TIAM1: variants seen among roughly 807,000 people sequenced by gnomAD.
The protein encoded by TIAM1 is rho guanine nucleotide exchange factor TIAM1.
TIAM1 carries 65 observed loss-of-function variants against 163.5 expected under a neutral mutation model. The ratio of observed to expected loss-of-function variants is 0.40; its 90% confidence interval spans 0.33 to 0.49. The LOEUF is 0.49. Among genes scored for constraint, TIAM1 ranks in the 20% least tolerant of loss-of-function variants. The pLI is 0.77. For missense variants in TIAM1, 1,789 were observed against 2,044.7 expected (o/e 0.87, Z 2.41); for synonymous variants, 833 against 810.1 (o/e 1.03, Z -0.48).
At chr21:31,513,388 T>G (rs1428578359) in intron 1 of TIAM1, among the ~76,000 whole-genome samples, 1 of 152,178 alleles carries the variant, frequency 6.6e-6, no homozygotes, top group Non-Finnish European at 1.5e-5. Context: ...TCTTCATCAA[T>G]TTTCTCACTA....
intron 16 of TIAM1, among the ~76,000 whole-genome samples, chr21:31,157,815 T>G (rs1438772515): frequency 6.6e-6 from 1 of 152,210 alleles, no homozygotes; most frequent in Non-Finnish European, 1.5e-5. Flanking sequence ...TGAAATGATG[T>G]TGAACAAAAC....
At chr21:31,317,886 C>T (rs1273674111) in intron 2 of TIAM1, among the ~76,000 whole-genome samples, 1 of 152,184 alleles carries the variant, frequency 6.6e-6, no homozygotes, top group Non-Finnish European at 1.5e-5. Flanking sequence ...CTTGATGAGA[C>T]AACTATAGGT....
intron 2 of TIAM1, among the ~76,000 whole-genome samples, chr21:31,373,660 G>A (rs1396458954): frequency 1.3e-5 from 2 of 152,142 alleles, no homozygotes; most frequent in Admixed American, 1.3e-4. Context: ...AGGCAGGAGG[G>A]TGTCTGGAAT....
At chr21:31,410,925 G>C (rs1222793249) in intron 2 of TIAM1, among the ~76,000 whole-genome samples, 1 of 152,078 alleles carries the variant, frequency 6.6e-6, no homozygotes, top group East Asian at 1.9e-4. Context: ...GAGCATTAGG[G>C]GCCCGCTCCT....
chr21:31,346,096 T>C (rs138683487), upstream of TIAM1, among the ~76,000 whole-genome samples: 1 of 152,180 alleles, frequency 6.6e-6, no homozygotes, highest in East Asian at 1.9e-4. Context: ...TTGCTACTGA[T>C]ATCTAGTAGG....
At chr21:31,235,078 G>A (rs546282827) in intron 6 of TIAM1, among the ~76,000 whole-genome samples, 1 of 152,246 alleles carries the variant, frequency 6.6e-6, no homozygotes, top group African/African-American at 2.4e-5. Flanking sequence ...CGAAGCAGCT[G>A]GTAATTCTAC....
Position 31,119,108 on chromosome 21 carries a change from A to T in TIAM1, c.*1260T>A, listed in dbSNP as rs60585349. 5,014 of 93,512 alleles carry T rather than the reference A, an allele frequency of 0.054. 116 individuals are homozygous for T. Among genetic ancestry groups the T allele is most frequent in the African/African-American group, 0.2 (2,885 of 14,400 alleles). 5.8% of individuals were successfully genotyped at this position (93,512 alleles called of 1,614,324 possible). On this transcript the variant is annotated 3_prime_UTR_variant, in exon 28 of 28. Transcript: ENST00000541036. ...AAGAAAAAGCTATAAACCTTTTTTT[A>T]AAAAAAAAAAAAAAATTGAAAGTGC...
intron 1 of TIAM1, among the ~76,000 whole-genome samples, chr21:31,522,730 A>C (rs2047645773): frequency 1.3e-5 from 2 of 152,188 alleles, no homozygotes; most frequent in African/African-American, 2.4e-5. Flanking sequence ...GTCCAACCGA[A>C]GCAGTCCTTT....
At chr21:31,166,674 G>A (rs2084232357) in intron 15 of TIAM1, among the ~76,000 whole-genome samples, 1 of 152,184 alleles carries the variant, frequency 6.6e-6, no homozygotes, top group Admixed American at 6.5e-5. Context: ...TTGCTCTTAA[G>A]GTGGTAGTGG....
intron 1 of TIAM1, among the ~76,000 whole-genome samples, chr21:31,527,097 G>A (rs1429840850): frequency 6.6e-6 from 1 of 152,102 alleles, no homozygotes; most frequent in African/African-American, 2.4e-5. Flanking sequence ...CGGAGAAACT[G>A]GGCTCCAACA....
intron 2 of TIAM1, among the ~76,000 whole-genome samples, chr21:31,409,477 C>T (rs753213215): frequency 5.3e-5 from 8 of 152,176 alleles, no homozygotes; most frequent in Non-Finnish European, 1.2e-4. Flanking sequence ...CTCCACCCCA[C>T]CTCCTGCTCC....
chr21:31,423,863 CGGG>C (rs762725565), intron 2 of TIAM1, among the ~76,000 whole-genome samples: 1 of 25,574 alleles, frequency 3.9e-5, no homozygotes, highest in African/African-American at 1.4e-4. Context: ...TCGGGGGGGG[CGGG>C]GGGGGGGTCA....
chr21:31,556,363 G>C (rs977111183), intron 1 of TIAM1, among the ~76,000 whole-genome samples: 11 of 152,220 alleles, frequency 7.2e-5, no homozygotes, highest in African/African-American at 2.7e-4. Context: ...GAACGGAAGA[G>C]ACAGAGCGCA....
chr21:31,236,476 G>A (rs551857720), intron 6 of TIAM1, among the ~76,000 whole-genome samples: 230 of 152,070 alleles, frequency 1.5e-3, no homozygotes, highest in Non-Finnish European at 2.9e-3. Flanking sequence ...CACTCAGCTT[G>A]TCATATCAGT....
chr21:31,300,321 C>G (rs771435235), intron 2 of TIAM1, among the ~76,000 whole-genome samples: 4 of 152,108 alleles, frequency 2.6e-5, no homozygotes, highest in Non-Finnish European at 5.9e-5. Flanking sequence ...TATAAATTAC[C>G]CAGTCTCAGG....
chr21:31,399,198 T>C (rs2147214743), intron 2 of TIAM1, among the ~76,000 whole-genome samples: 1 of 152,238 alleles, frequency 6.6e-6, no homozygotes, highest in South Asian at 2.1e-4. Flanking sequence ...ATTTTAGATA[T>C]AACATCAATG....
chr21:31,486,791 C>T (rs976473768), intron 1 of TIAM1, among the ~76,000 whole-genome samples: 2 of 152,326 alleles, frequency 1.3e-5, no homozygotes, highest in South Asian at 2.1e-4. Context: ...AAAGCTGCCT[C>T]GTCCACAGCC....
chr21:31,138,228 C>A (rs1269353979), intron 22 of TIAM1, among the ~76,000 whole-genome samples: 2 of 152,076 alleles, frequency 1.3e-5, no homozygotes, highest in African/African-American at 4.8e-5. Context: ...AAAGGGATTT[C>A]TTAGCCTAAC....
intron 2 of TIAM1, among the ~76,000 whole-genome samples, chr21:31,283,991 C>A (rs1274043380): frequency 4.6e-5 from 7 of 152,160 alleles, no homozygotes; most frequent in African/African-American, 2.4e-5. Flanking sequence ...CAAAAAAGCA[C>A]GCTTACATCG....
Sources: allele counts gnomAD v4.1 joint callset (sites outside exome capture counted in the v4.1 genomes callset), GRCh38; gene constraint gnomAD v4.1.1; transcripts MANE v1.5; gene names NCBI Gene and HGNC (gene_info 2026-07-23, HGNC 2026-07-21).